The following CDH18 variants were observed in gnomAD, a reference collection of about 807,000 sequenced individuals.
CDH18 encodes the protein cadherin-18.
CDH18 carries 31 observed loss-of-function variants against 67.9 expected under a neutral mutation model. The observed-to-expected ratio is 0.46, with a 90% CI of 0.34 to 0.62. CDH18 has a LOEUF of 0.62. Ranked by LOEUF, CDH18 falls within the 20% of genes least tolerant of loss-of-function variation. The probability of loss-of-function intolerance (pLI) is 0.01; values close to 1 mark genes in which losing one functional copy is unlikely to be tolerated. For missense variants in CDH18, 890 were observed against 975.5 expected, an observed-to-expected ratio of 0.91 and a Z score of 1.17; for synonymous variants, 362 against 347.2, an observed-to-expected ratio of 1.04 and a Z score of -0.48.
rs931126945 is a variant in CDH18, at chr5:19,645,368, A to C, written c.644-32767T>G. On this transcript the variant is annotated intron_variant, in intron 5 of 12. Transcript: ENST00000382275. ...CAAAGCAAACTGCAAAGCTAGAGGG[A>C]ACTAGTGGAGTCCAAGAACCTTAGG... Among the ~76,000 whole-genome samples, 3 of 152,160 alleles carry C rather than the reference A, an allele frequency of 2.0e-5. No individual in the cohort carries two copies. The East Asian group carries it at 5.8e-4, about 29-fold the overall frequency.
At chr5:19,859,654 C>T (rs1471707851) in intron 2 of CDH18, among the ~76,000 whole-genome samples, 1 of 152,164 alleles carries the variant, frequency 6.6e-6, no homozygotes, top group African/African-American at 2.4e-5. Context: ...CTCTTTCAAA[C>T]AATTGCCAAT....
chr5:19,561,180 G>A lies in CDH18; in HGVS notation c.1253+10399C>T, dbSNP rs146404225. On this transcript the variant is annotated intron_variant, in intron 8 of 12. Coordinates refer to ENST00000382275, the MANE Select transcript of CDH18 (RefSeq NM_004934.5). Reference sequence around the variant, plus strand: ...TGGGTATCTACCCATAGGAAAAGAAGGCATTATACAAAAAAGATACCTGCG... The same window carrying A: ...TGGGTATCTACCCATAGGAAAAGAAAGCATTATACAAAAAAGATACCTGCG... Among the ~76,000 whole-genome samples, 36 of 152,018 alleles carry A rather than the reference G, an allele frequency of 2.4e-4. No homozygotes were observed. The East Asian group carries it at 6.2e-3, about 26-fold the overall frequency.
intron 1 of CDH18, among the ~76,000 whole-genome samples, chr5:20,308,661 T>C (rs1205527104): frequency 6.6e-6 from 1 of 152,098 alleles, no homozygotes; most frequent in African/African-American, 2.4e-5. Flanking sequence ...TACTAAGTTA[T>C]TAAGGTAAAC....
In CDH18 at chr5:19,839,122, T is replaced by A; in HGVS notation, c.-136A>T. 1 of 648,494 alleles carries A rather than the reference T, an allele frequency of 1.5e-6. No homozygotes were observed. Among genetic ancestry groups the A allele is most frequent in the Non-Finnish European group, 2.7e-6 (1 of 366,516 alleles). 40.2% of individuals were successfully genotyped at this position (648,494 alleles called of 1,614,324 possible). On this transcript the variant is annotated 5_prime_UTR_variant, in exon 3 of 13. An upstream open reading frame in the 5' UTR loses its in-frame stop. Transcript: ENST00000382275. ...GTAAATTGTTTAGCGTGTCCATGAT[T>A]TAACTGTCCATCAGGGAAAGGTCAG...
intron 2 of CDH18, among the ~76,000 whole-genome samples, chr5:20,040,506 A>C (rs1284959173): frequency 6.6e-6 from 1 of 152,080 alleles, no homozygotes; most frequent in Non-Finnish European, 1.5e-5. Context: ...ATATGTCATG[A>C]AGATGGAACC....
chr5:20,575,137 T>C (rs1198192683), intron 1 of CDH18, among the ~76,000 whole-genome samples: 5 of 152,130 alleles, frequency 3.3e-5, no homozygotes, highest in African/African-American at 1.2e-4. Flanking sequence ...TTTATGAACA[T>C]ATTGTAAGGT....
chr5:20,285,155 T>C (rs1037030585), intron 1 of CDH18, among the ~76,000 whole-genome samples: 10 of 151,492 alleles, frequency 6.6e-5, no homozygotes, highest in Non-Finnish European at 7.4e-5. Context: ...GTTTACAGAT[T>C]CCACCATAAT....
intron 5 of CDH18, among the ~76,000 whole-genome samples, chr5:19,649,013 C>G (rs1755196159): frequency 6.6e-6 from 1 of 152,016 alleles, no homozygotes; most frequent in South Asian, 2.1e-4. Flanking sequence ...CTGCTAATTT[C>G]TGTAACTCAC....
chr5:20,435,371 A>G (rs1419784183), intron 1 of CDH18, among the ~76,000 whole-genome samples: 1 of 152,042 alleles, frequency 6.6e-6, no homozygotes, highest in Non-Finnish European at 1.5e-5. Flanking sequence ...AGCTGCATGA[A>G]CAAAAGAGCT....
At chr5:20,391,328 T>C (rs1038250747) in intron 1 of CDH18, among the ~76,000 whole-genome samples, 2 of 151,984 alleles carry the variant, frequency 1.3e-5, no homozygotes, top group Non-Finnish European at 1.5e-5. Context: ...CCTGCATCAG[T>C]AGACTCTGAA....
intron 2 of CDH18, among the ~76,000 whole-genome samples, chr5:20,117,424 A>G (rs1487263536): frequency 6.6e-6 from 1 of 152,172 alleles, no homozygotes; most frequent in Non-Finnish European, 1.5e-5. Flanking sequence ...CTTCTTAATG[A>G]GGTTTTATTA....
At chr5:19,533,535 T>G (rs1406239469) in intron 9 of CDH18, among the ~76,000 whole-genome samples, 1 of 152,190 alleles carries the variant, frequency 6.6e-6, no homozygotes, top group African/African-American at 2.4e-5. Flanking sequence ...TTTTGTTTGC[T>G]TTGCATGAAT....
At chr5:19,634,808 A>G (rs1196054660) in intron 5 of CDH18, among the ~76,000 whole-genome samples, 1 of 151,828 alleles carries the variant, frequency 6.6e-6, no homozygotes, top group East Asian at 1.9e-4. Context: ...GTGGTGGCAC[A>G]TGCCTGTAAT....
intron 5 of CDH18, among the ~76,000 whole-genome samples, chr5:19,653,002 C>A (rs563957164): frequency 9.6e-4 from 146 of 152,108 alleles, no homozygotes; most frequent in African/African-American, 3.5e-3. Flanking sequence ...AGAAACTGAC[C>A]TACTATTAAC....
intron 1 of CDH18, among the ~76,000 whole-genome samples, chr5:20,512,609 T>G (rs1031905675): frequency 3.3e-5 from 5 of 151,956 alleles, no homozygotes; most frequent in Non-Finnish European, 7.4e-5. Context: ...GCTGGCTGAG[T>G]GTGGTGGGTC....
chr5:20,272,559 G>A (rs1422886966), intron 1 of CDH18, among the ~76,000 whole-genome samples: 1 of 151,546 alleles, frequency 6.6e-6, no homozygotes, highest in Non-Finnish European at 1.5e-5. Flanking sequence ...TGTTTTTTTT[G>A]GAGTGAGACT....
intron 1 of CDH18, among the ~76,000 whole-genome samples, chr5:20,417,088 G>A (rs1204162647): frequency 6.6e-6 from 1 of 152,006 alleles, no homozygotes. Flanking sequence ...CAATATGCAA[G>A]GTCTAAATTT....
chr5:20,145,139 AT>A (rs1561827649), intron 2 of CDH18, among the ~76,000 whole-genome samples: 2 of 152,178 alleles, frequency 1.3e-5, no homozygotes, highest in Non-Finnish European at 2.9e-5. Flanking sequence ...CAAGAAAAAA[AT>A]CTAGCCCTTT....
At chr5:20,185,507 TC>T (rs1269054935) in intron 2 of CDH18, among the ~76,000 whole-genome samples, 2 of 152,076 alleles carry the variant, frequency 1.3e-5, no homozygotes, top group African/African-American at 2.4e-5. Flanking sequence ...CACTCTTAGT[TC>T]TTTGACTTTA....
Sources: allele counts gnomAD v4.1 joint callset (sites outside exome capture counted in the v4.1 genomes callset), GRCh38; gene constraint gnomAD v4.1.1; transcripts MANE v1.5; gene names NCBI Gene and HGNC (gene_info 2026-07-23, HGNC 2026-07-21).